CNTN6: variants seen among roughly 807,000 people sequenced by gnomAD.
The protein encoded by CNTN6 is contactin-6.
In CNTN6, 137 loss-of-function variants were observed where a neutral mutation model predicts 122.8. That is an observed-to-expected ratio of 1.12 (90% CI 0.97 to 1.29). The LOEUF (loss-of-function observed/expected upper bound fraction) is 1.29, where lower values mean the gene tolerates loss of function less well. Ranked by LOEUF, CNTN6 falls within the 50% of genes most tolerant of loss-of-function variation. The probability of loss-of-function intolerance (pLI) is 0.00; values close to 1 mark genes in which losing one functional copy is unlikely to be tolerated. For missense variants in CNTN6, 1,634 were observed against 1,223.4 expected (o/e 1.34, Z -5.01); for synonymous variants, 570 against 426.0 (o/e 1.34, Z -4.16).
intron 2 of CNTN6, among the ~76,000 whole-genome samples, chr3:1,177,785 A>C (rs1431716822): frequency 6.6e-6 from 1 of 151,596 alleles, no homozygotes; most frequent in Non-Finnish European, 1.5e-5. Context: ...TATATGTATA[A>C]ATTTTTTTTC....
chr3:1,246,486 A>G (rs575764500), intron 4 of CNTN6, among the ~76,000 whole-genome samples: 6 of 152,268 alleles, frequency 3.9e-5, no homozygotes, highest in African/African-American at 1.2e-4. Context: ...GCATTCTTCT[A>G]TGATTATTCT....
At chr3:1,167,091 T>C (rs1013079420) in intron 2 of CNTN6, among the ~76,000 whole-genome samples, 1 of 141,552 alleles carries the variant, frequency 7.1e-6, no homozygotes, top group African/African-American at 2.6e-5. Flanking sequence ...AACAGTGCAG[T>C]AGAGTGGTAG....
intron 11 of CNTN6, among the ~76,000 whole-genome samples, chr3:1,332,381 G>C (rs1405732546): frequency 1.3e-5 from 2 of 151,870 alleles, no homozygotes; most frequent in Non-Finnish European, 2.9e-5. Context: ...CAGCATCTAT[G>C]CTTCTGTTTG....
intron 2 of CNTN6, among the ~76,000 whole-genome samples, chr3:1,213,666 A>G (rs896305227): frequency 1.3e-5 from 2 of 151,948 alleles, no homozygotes; most frequent in African/African-American, 2.4e-5. Flanking sequence ...TCATGTATAG[A>G]TAGATAATAG....
At chr3:1,397,290 A>G (rs764386237) in intron 20 of CNTN6, among the ~76,000 whole-genome samples, 5 of 152,206 alleles carry the variant, frequency 3.3e-5, no homozygotes, top group Admixed American at 2.0e-4. Flanking sequence ...ATGAGAAACT[A>G]AGATGTACAT....
chr3:1,280,137 A>G (rs1693114358), intron 5 of CNTN6, among the ~76,000 whole-genome samples: 1 of 152,208 alleles, frequency 6.6e-6, no homozygotes, highest in East Asian at 1.9e-4. Flanking sequence ...TATTCTTGAC[A>G]CTACTGAAAA....
intron 20 of CNTN6, among the ~76,000 whole-genome samples, chr3:1,398,882 C>T (rs1381124350): frequency 1.3e-5 from 2 of 152,100 alleles, no homozygotes; most frequent in East Asian, 1.9e-4. Context: ...CCGAATGCAA[C>T]TCTTCTCGTT....
chr3:1,365,217 T>A (rs1465302803), intron 12 of CNTN6, among the ~76,000 whole-genome samples: 2 of 152,044 alleles, frequency 1.3e-5, no homozygotes, highest in East Asian at 3.9e-4. Flanking sequence ...ACTAACCTAC[T>A]TCCACAACTC....
intron 11 of CNTN6, among the ~76,000 whole-genome samples, chr3:1,343,202 C>G (rs1306046145): frequency 1.3e-5 from 2 of 152,116 alleles, no homozygotes; most frequent in Non-Finnish European, 2.9e-5. Context: ...ACATACAAAA[C>G]TTGTTCATGG....
At chr3:1,121,098 T>G (rs72995754) in intron 1 of CNTN6, among the ~76,000 whole-genome samples, 5,307 of 110,282 alleles carry the variant, frequency 0.048, no homozygotes, top group South Asian at 0.065. Flanking sequence ...TATAGCCAAG[T>G]CACTGAGTTG....
chr3:1,292,475 G>A (rs939469627), intron 5 of CNTN6, among the ~76,000 whole-genome samples: 3 of 152,124 alleles, frequency 2.0e-5, no homozygotes, highest in Admixed American at 6.5e-5. Context: ...GGAGGGTGTC[G>A]AAAACACAGA....
chr3:1,378,786 T>G (rs1420067162), intron 17 of CNTN6, among the ~76,000 whole-genome samples: 5 of 152,178 alleles, frequency 3.3e-5, no homozygotes, highest in Non-Finnish European at 7.3e-5. Context: ...GTTCTCTCTT[T>G]CTGTTCTTTT....
At chr3:1,191,368 A>G (rs1418574318) in intron 2 of CNTN6, among the ~76,000 whole-genome samples, 1 of 152,090 alleles carries the variant, frequency 6.6e-6, no homozygotes, top group Admixed American at 6.6e-5. Flanking sequence ...CAGGAAGGGG[A>G]GATTAGGTTA....
chr3:1,163,948 C>A (rs547992767), intron 2 of CNTN6, among the ~76,000 whole-genome samples: 1 of 152,276 alleles, frequency 6.6e-6, no homozygotes, highest in South Asian at 2.1e-4. Context: ...GAAATCTGCA[C>A]CAGGAAACAA....
At chr3:1,148,469 C>A (rs1384520876) in intron 2 of CNTN6, among the ~76,000 whole-genome samples, 1 of 151,644 alleles carries the variant, frequency 6.6e-6, no homozygotes, top group Non-Finnish European at 1.5e-5. Flanking sequence ...ATATTTCTCT[C>A]ATGTTTAGAA....
intron 2 of CNTN6, among the ~76,000 whole-genome samples, chr3:1,186,761 G>A (rs1375304753): frequency 6.6e-6 from 1 of 151,792 alleles, no homozygotes; most frequent in African/African-American, 2.4e-5. Flanking sequence ...ATGGTTAAGT[G>A]GCTGCCACAC....
intron 4 of CNTN6, among the ~76,000 whole-genome samples, chr3:1,258,672 C>T (rs1481975944): frequency 6.6e-6 from 1 of 152,054 alleles, no homozygotes; most frequent in Non-Finnish European, 1.5e-5. Context: ...ACTTTTTCTC[C>T]TCGTGTCACC....
rs1277952750 is a variant in CNTN6 at position 1,352,330 on chromosome 3, T to C, written c.1371T>C (p.Phe457=). 1 of 1,520,078 alleles carries C rather than the reference T, an allele frequency of 6.6e-7. No individual in the cohort carries two copies. The highest frequency in any genetic ancestry group is 1.3e-5 in the South Asian group (1 of 79,844). 94.2% of individuals were successfully genotyped at this position (1,520,078 alleles called of 1,614,324 possible). A position where few individuals can be genotyped will look rare whatever the true frequency, so the allele number is the denominator to read the frequency against. The change falls in exon 12 of 23, where the codon TTT becomes TTC. Residue 457 remains phenylalanine (F), a synonymous_variant. Coordinates refer to ENST00000446702, the MANE Select transcript of CNTN6 (RefSeq NM_001289080.2). ...TGATGTATTTTCTTTTTAGAATATT[T>C]CTCTTGGAGGATGGCAGCCTCAAGA... The part of the protein sequence containing the change: ...TETLRQSKRI[F]LLEDGSLKIY...
intron 1 of CNTN6, 137 bp from the exon 2 acceptor site, chr3:1,147,790 A>G (rs779564938): frequency 2.5e-6 from 1 of 399,156 alleles, no homozygotes; most frequent in Non-Finnish European, 4.5e-6. Flanking sequence ...ATGTATGTGT[A>G]GAAAGCATCC....
Sources: gnomAD v4.1 joint callset for allele counts (sites outside exome capture counted in the v4.1 genomes callset) on GRCh38, gnomAD v4.1.1 for gene constraint, MANE v1.5 for transcripts, NCBI Gene and HGNC (gene_info 2026-07-23, HGNC 2026-07-21) for gene names.